The following SIMC1 variants were observed in gnomAD, a reference collection of about 807,000 sequenced individuals.
The protein encoded by SIMC1 is SUMO interacting motifs containing 1.
SIMC1 carries 55 observed loss-of-function variants against 82.3 expected under a neutral mutation model. The ratio of observed to expected loss-of-function variants is 0.67; its 90% confidence interval spans 0.54 to 0.84. The LOEUF (loss-of-function observed/expected upper bound fraction) is 0.84. SIMC1 is among the 40% of genes least tolerant of loss of function. The probability of loss-of-function intolerance (pLI) is 0.00; values close to 1 mark genes in which losing one functional copy is unlikely to be tolerated. For synonymous variants in SIMC1, 353 were observed against 426.3 expected (o/e 0.83, Z 2.12); for missense variants, 915 against 1,107.2 (o/e 0.83, Z 2.46).
intron 4 of SIMC1, among the ~76,000 whole-genome samples, chr5:176,299,891 TAAACAA>T (rs2113294866): frequency 6.6e-6 from 1 of 152,204 alleles, no homozygotes; most frequent in African/African-American, 2.4e-5. Flanking sequence ...AAACAAGACT[TAAACAA>T]AATGTAAAAA....
intron 4 of SIMC1, among the ~76,000 whole-genome samples, chr5:176,305,613 C>A (rs1368456252): frequency 7.0e-6 from 1 of 143,184 alleles, no homozygotes; most frequent in East Asian, 2.1e-4. Context: ...CCAACCCCCC[C>A]GTCTGGGAGG....
chr5:176,316,327 T>C (rs910983125), intron 5 of SIMC1, among the ~76,000 whole-genome samples: 3 of 152,074 alleles, frequency 2.0e-5, no homozygotes, highest in African/African-American at 7.2e-5. Flanking sequence ...TCACCTCCTG[T>C]GGTGTGAGCC....
intron 1 of SIMC1, among the ~76,000 whole-genome samples, chr5:176,273,206 A>G (rs1251097727): frequency 6.6e-6 from 1 of 152,198 alleles, no homozygotes; most frequent in African/African-American, 2.4e-5. Context: ...GACACCTCAT[A>G]CAGCCGGGTG....
chr5:176,296,374 A>G (rs1327004154), intron 4 of SIMC1, 54 bp downstream of exon 4: 53 of 1,612,826 alleles, frequency 3.3e-5, no homozygotes, highest in Non-Finnish European at 4.4e-5. Context: ...AACTATAAAG[A>G]AAAGTGATAT....
chr5:176,242,107 G>A (rs1241542831), intron 1 of SIMC1, among the ~76,000 whole-genome samples: 1 of 152,148 alleles, frequency 6.6e-6, no homozygotes, highest in African/African-American at 2.4e-5. Flanking sequence ...TTACTGGGAA[G>A]TAGTGCAGAA....
chr5:176,300,802 T>A (rs4045522), intron 4 of SIMC1, among the ~76,000 whole-genome samples: 6 of 152,264 alleles, frequency 3.9e-5, no homozygotes, highest in African/African-American at 1.4e-4. Flanking sequence ...AAAAGGATTA[T>A]AAGAGAATAC....
At chr5:176,296,415 G>C in intron 4 of SIMC1, 95 bp downstream of exon 4, 39 of 1,595,452 alleles carry the variant, frequency 2.4e-5, no homozygotes, top group Non-Finnish European at 3.3e-5. Flanking sequence ...TGTAATCCCA[G>C]CATTTTGGGA....
chr5:176,269,412 T>A (rs1762333504), intron 1 of SIMC1, among the ~76,000 whole-genome samples: 1 of 152,270 alleles, frequency 6.6e-6, no homozygotes, highest in Non-Finnish European at 1.5e-5. Flanking sequence ...CCAATAAATT[T>A]GATAAATGAA....
At chr5:176,255,741 AAAAG>A (rs1225833806) in intron 1 of SIMC1, among the ~76,000 whole-genome samples, 6 of 150,444 alleles carry the variant, frequency 4.0e-5, no homozygotes, top group African/African-American at 1.2e-4. Flanking sequence ...AAAAGAAAAG[AAAAG>A]AAAGAAAGAA....
chr5:176,252,647 C>G (rs1322596515), intron 1 of SIMC1, among the ~76,000 whole-genome samples: 1 of 151,522 alleles, frequency 6.6e-6, no homozygotes, highest in African/African-American at 2.4e-5. Flanking sequence ...ACGCTCCTCA[C>G]TTTCCAGACT....
intron 1 of SIMC1, among the ~76,000 whole-genome samples, chr5:176,289,083 GA>G (rs962073183): frequency 1.3e-5 from 2 of 152,154 alleles, no homozygotes; most frequent in African/African-American, 4.8e-5. Flanking sequence ...CCCTCACAGG[GA>G]AAGAAGGAGA....
At chr5:176,261,188 G>T (rs1478333577) in intron 1 of SIMC1, 19 of 152,026 alleles carry the variant, frequency 1.2e-4, no homozygotes, top group African/African-American at 4.3e-4. Context: ...TGTATTTTTA[G>T]TAGAGATGGG....
At chr5:176,271,993 A>C (rs1199040331) in intron 1 of SIMC1, among the ~76,000 whole-genome samples, 1 of 145,140 alleles carries the variant, frequency 6.9e-6, no homozygotes, top group African/African-American at 2.5e-5. Context: ...AACATAATAT[A>C]TATAACATAT....
At chr5:176,311,695 C>T (rs1764672153) in intron 4 of SIMC1, among the ~76,000 whole-genome samples, 1 of 152,066 alleles carries the variant, frequency 6.6e-6, no homozygotes, top group South Asian at 2.1e-4. Context: ...AAAAAAACTT[C>T]ACAAGAAAGG....
intron 1 of SIMC1, among the ~76,000 whole-genome samples, chr5:176,261,775 A>G (rs1480897606): frequency 6.6e-6 from 1 of 151,996 alleles, no homozygotes; most frequent in Non-Finnish European, 1.5e-5. Flanking sequence ...AAAAAGTTTT[A>G]TGAATAAGTA....
chr5:176,302,922 C>G lies in SIMC1; in HGVS notation c.1734+6602C>G, dbSNP rs929020612. On this transcript the variant is annotated intron_variant, in intron 4 of 9. Transcript: ENST00000429602. ...AATTAGACACCAATAAATGGTAAGG[C>G]TTCCTATATTCATGGAGTGGAAGAC... Among the ~76,000 whole-genome samples the G allele has an allele frequency of 6.6e-5, 10 of 152,270 alleles. No homozygotes were observed. In the East Asian group the frequency reaches 1.9e-3, roughly 29 times the overall value.
rs558995590 is a variant in SIMC1 at position 176,253,347 on chromosome 5, G to A, written c.129+14710G>A. Among the ~76,000 whole-genome samples the A allele has an allele frequency of 1.8e-3, 276 of 152,102 alleles. 2 individuals carry two copies. The highest frequency in any genetic ancestry group is 3.1e-3 in the Non-Finnish European group (210 of 67,980). On this transcript the variant is annotated intron_variant, in intron 1 of 9. Coordinates refer to ENST00000429602, the MANE Select transcript of SIMC1 (RefSeq NM_001308195.2). The stretch of plus-strand genomic sequence containing the variant: ...GGTGAATATGACGATTATGCGTCTT[G>A]GGGTTGCTCTTCTAAAGATACTCCT...
chr5:176,296,381 A>G, intron 4 of SIMC1, 61 bp downstream of exon 4: 3 of 1,612,664 alleles, frequency 1.9e-6, no homozygotes, highest in Non-Finnish European at 2.5e-6. Flanking sequence ...AAGAAAAGTG[A>G]TATCAGGTGC....
intron 1 of SIMC1, among the ~76,000 whole-genome samples, chr5:176,268,823 C>T (rs1171465379): frequency 6.6e-6 from 1 of 152,136 alleles, no homozygotes; most frequent in Non-Finnish European, 1.5e-5. Flanking sequence ...CTACCATGAC[C>T]TGATTGATAT....
Sources: allele counts gnomAD v4.1 joint callset (sites outside exome capture counted in the v4.1 genomes callset), GRCh38; gene constraint gnomAD v4.1.1; transcripts MANE v1.5; gene names NCBI Gene and HGNC (gene_info 2026-07-23, HGNC 2026-07-21).